The following PLEKHA8 variants were observed in gnomAD, a reference collection of about 807,000 sequenced individuals.
PLEKHA8 encodes pleckstrin homology domain-containing family A member 8.
A neutral mutation model predicts 68.2 loss-of-function variants in PLEKHA8; 36 were observed. That is an observed-to-expected ratio of 0.53 (90% confidence interval 0.40 to 0.70). PLEKHA8 has a LOEUF of 0.70. Among genes scored for constraint, PLEKHA8 ranks in the 30% least tolerant of loss-of-function variants. PLEKHA8 has a pLI of 0.00. For synonymous variants in PLEKHA8, 211 were observed against 216.1 expected, an observed-to-expected ratio of 0.98 and a Z score of 0.20; for missense variants, 505 against 615.4, an observed-to-expected ratio of 0.82 and a Z score of 1.90.
intron 1 of PLEKHA8, among the ~76,000 whole-genome samples, chr7:30,029,217 C>G (rs544470251): frequency 1.3e-5 from 2 of 152,342 alleles, no homozygotes; most frequent in East Asian, 1.9e-4. Context: ...CAGCAGTAAC[C>G]TGGAATTCCA....
intron 12 of PLEKHA8, among the ~76,000 whole-genome samples, chr7:30,063,065 G>A (rs1439014606): frequency 6.6e-6 from 1 of 152,202 alleles, no homozygotes; most frequent in Non-Finnish European, 1.5e-5. Context: ...ATATATTATA[G>A]TCTTTGAAAA....
intron 13 of PLEKHA8, among the ~76,000 whole-genome samples, chr7:30,101,466 G>C (rs1795851615): frequency 6.6e-6 from 1 of 152,142 alleles, no homozygotes. Context: ...CCAGGTTGCA[G>C]ACAGCCACCT....
intron 13 of PLEKHA8, among the ~76,000 whole-genome samples, chr7:30,077,234 A>G (rs28390136): frequency 0.28 from 42,746 of 151,816 alleles, 6,502 homozygotes; most frequent in African/African-American, 0.39. Flanking sequence ...TCCCTTTCGA[A>G]ATGTTTTAGA....
chr7:30,079,422 G>A lies in PLEKHA8; in HGVS notation c.*635G>A, dbSNP rs557850338. 1.0e-6 allele frequency: 1 copy of A among 985,636 alleles called. No homozygotes were observed. The highest frequency in any genetic ancestry group is 1.7e-5 in the African/African-American group (1 of 57,336). 61.1% of individuals were successfully genotyped at this position (985,636 alleles called of 1,614,324 possible). A position where few individuals can be genotyped will look rare whatever the true frequency, so the allele number is the denominator to read the frequency against. On this transcript the variant is annotated 3_prime_UTR_variant, in exon 14 of 14. Transcript: ENST00000449726. The stretch of plus-strand genomic sequence containing the variant: ...AGGCATGAAACCGTTGCTCTGAGAA[G>A]ATTAATGGTGTGCCCTAGCCCCAAG...
chr7:30,072,378 A>C (rs1794293572), intron 12 of PLEKHA8, among the ~76,000 whole-genome samples: 1 of 152,236 alleles, frequency 6.6e-6, no homozygotes, highest in South Asian at 2.1e-4. Context: ...ATTTTGTGAA[A>C]ATTTGAATAT....
rs146075660 is a variant in PLEKHA8 at position 30,058,990 on chromosome 7, G to A, written c.1040-1894G>A. Among the ~76,000 whole-genome samples, 50 of 152,290 alleles carry A rather than the reference G, an allele frequency of 3.3e-4. No individual in the cohort carries two copies. In the East Asian group the frequency reaches 6.4e-3, roughly 19 times the overall value. Reference sequence around the variant, plus strand: ...AAAAAAATTAGCCAGGTGTGATGGCGCAAGCCTGTAGTCCCAGCTACTTGG... The same window carrying A: ...AAAAAAATTAGCCAGGTGTGATGGCACAAGCCTGTAGTCCCAGCTACTTGG... On this transcript the variant is annotated intron_variant, in intron 9 of 13. Transcript: ENST00000449726.
Position 30,054,715 on chromosome 7 carries a change from G to A in PLEKHA8, c.803G>A (p.Gly268Asp), listed in dbSNP as rs150505822. 370 of 1,580,298 alleles carry A rather than the reference G, an allele frequency of 2.3e-4. No homozygotes were observed. In the African/African-American group the frequency reaches 4.3e-3, roughly 18 times the overall value. Residue 268 changes from glycine (G) to aspartate (D), a missense_variant, in exon 8 of 14, where the codon GGT becomes GAT. Physicochemically the swap from Gly to Asp is moderately conservative, Grantham distance 94. Coordinates refer to ENST00000449726, the MANE Select transcript of PLEKHA8 (RefSeq NM_001197026.2). The part of the protein sequence containing the change: ...ENTDDNITVQ[G>D]EIRKEDGMEN... ...GATATTTTCTACTTTGCAGTCCAAG[G>A]TGAAATAAGGAAGGAAGATGGAATG...
rs74826866 is a variant in PLEKHA8, at chr7:30,075,530, A to G, written c.1362+1398A>G. Among the ~76,000 whole-genome samples, 817 of 152,298 alleles carry G rather than the reference A, an allele frequency of 5.4e-3. 10 individuals carry two copies. Among genetic ancestry groups the G allele is most frequent in the African/African-American group, 0.019 (778 of 41,562 alleles). ...TGTCAGAGCCCAGGTCTAAACTCAGATCTGTTATCTCCAAGGTGCTAGTGC... is the reference window on the plus strand; with the variant it reads ...TGTCAGAGCCCAGGTCTAAACTCAGGTCTGTTATCTCCAAGGTGCTAGTGC... On this transcript the variant is annotated intron_variant, in intron 13 of 13. Coordinates refer to ENST00000449726, the MANE Select transcript of PLEKHA8 (RefSeq NM_001197026.2).
At chr7:30,109,997 T>C (rs1318049301) in intron 13 of PLEKHA8, among the ~76,000 whole-genome samples, 1 of 152,220 alleles carries the variant, frequency 6.6e-6, no homozygotes, top group East Asian at 1.9e-4. Flanking sequence ...TGTCATCCTA[T>C]TTAATTTTTT....
chr7:30,030,703 A>G (rs1248640880), intron 1 of PLEKHA8, among the ~76,000 whole-genome samples: 1 of 152,184 alleles, frequency 6.6e-6, no homozygotes, highest in Non-Finnish European at 1.5e-5. Context: ...TTCCAGATAT[A>G]CATAGAATGA....
At chr7:30,125,901 C>A (rs1796764330) in intron 13 of PLEKHA8, among the ~76,000 whole-genome samples, 2 of 152,046 alleles carry the variant, frequency 1.3e-5, no homozygotes, top group Non-Finnish European at 2.9e-5. Flanking sequence ...TCCTTAGAGA[C>A]AACTTGCCTA....
At chr7:30,101,267 A>G (rs535275229) in intron 13 of PLEKHA8, among the ~76,000 whole-genome samples, 21 of 152,292 alleles carry the variant, frequency 1.4e-4, no homozygotes, top group African/African-American at 5.1e-4. Context: ...AATTTGAAAG[A>G]CAATGCTGTT....
intron 13 of PLEKHA8, among the ~76,000 whole-genome samples, chr7:30,119,348 G>A (rs1287667185): frequency 6.6e-6 from 1 of 152,180 alleles, no homozygotes. Context: ...GAAAATTGAT[G>A]CATGCGGAGG....
chr7:30,060,624 A>G (rs967272062), intron 9 of PLEKHA8, among the ~76,000 whole-genome samples: 20 of 152,300 alleles, frequency 1.3e-4, no homozygotes, highest in Admixed American at 5.2e-4. Context: ...CCTAAGGATT[A>G]CTATATGAAT....
At chr7:30,092,802 C>A (rs921143734), downstream of PLEKHA8, among the ~76,000 whole-genome samples, 2 of 152,174 alleles carry the variant, frequency 1.3e-5, no homozygotes, top group African/African-American at 2.4e-5. Flanking sequence ...TATTTAGAGA[C>A]TGGGAGAGAC....
intron 13 of PLEKHA8, among the ~76,000 whole-genome samples, chr7:30,117,607 G>C (rs573200162): frequency 6.6e-6 from 1 of 152,080 alleles, no homozygotes; most frequent in East Asian, 1.9e-4. Flanking sequence ...AGGAGGCTGA[G>C]GCGAGAGGGT....
chr7:30,060,930 T>A lies in PLEKHA8; in HGVS notation c.1086T>A (p.Val362=). The change falls in exon 10 of 14, where the codon GTT becomes GTA. Residue 362 remains valine, a synonymous_variant. Transcript: ENST00000449726. ...TVFAPVKMDL[V]GNIKKVNQKY... ...TTGCTCCTGTTAAGATGGATCTTGT[T>A]GGAAATATTAAGGTGAGCATACTGG... 6.2e-7 allele frequency: 1 copy of A among 1,613,476 alleles called. No individual in the cohort carries two copies. Among genetic ancestry groups the A allele is most frequent in the Non-Finnish European group, 8.5e-7 (1 of 1,179,648 alleles).
intron 12 of PLEKHA8, 41 bp from the exon 13 acceptor site, chr7:30,074,030 C>A: frequency 1.3e-6 from 2 of 1,520,868 alleles, no homozygotes; most frequent in South Asian, 1.2e-5. Context: ...ACATCAAATT[C>A]TGATGAAAGT....
In PLEKHA8 at chr7:30,062,746, A is replaced by C. The variant is rs1166304728; in HGVS notation, c.1300+4A>C. ...AAGGATATCCAGACAGCCCTAAGTAAGTGTTCTTTATGTTTTGTTGAATGA... is the reference window on the plus strand; with the variant it reads ...AAGGATATCCAGACAGCCCTAAGTACGTGTTCTTTATGTTTTGTTGAATGA... On this transcript the variant is annotated splice_donor_region_variant and intron_variant, in intron 12 of 13. Coordinates refer to ENST00000449726, the MANE Select transcript of PLEKHA8 (RefSeq NM_001197026.2). 1.9e-6 allele frequency: 3 copies of C among 1,608,778 alleles called. No homozygotes were observed. The highest frequency in any genetic ancestry group is 2.6e-6 in the Non-Finnish European group (3 of 1,175,376).
Sources: gnomAD v4.1 joint callset for allele counts (sites outside exome capture counted in the v4.1 genomes callset) on GRCh38, gnomAD v4.1.1 for gene constraint, MANE v1.5 for transcripts, NCBI Gene and HGNC (gene_info 2026-07-23, HGNC 2026-07-21) for gene names.